The following KALRN variants were observed in gnomAD, a reference collection of about 807,000 sequenced individuals.
The protein encoded by KALRN is kalirin RhoGEF kinase.
In KALRN, 70 loss-of-function variants were observed where a neutral mutation model predicts 353.7. That is an observed-to-expected ratio of 0.20 (90% CI 0.16 to 0.24). The LOEUF (loss-of-function observed/expected upper bound fraction) is 0.24, where lower values mean the gene tolerates loss of function less well. Among genes scored for constraint, KALRN ranks in the 10% least tolerant of loss-of-function variants. The pLI is 1.00. For missense variants in KALRN, 2,791 were observed against 3,756.7 expected, an observed-to-expected ratio of 0.74 and a Z score of 6.72; for synonymous variants, 1,391 against 1,434.8, an observed-to-expected ratio of 0.97 and a Z score of 0.69.
intron 2 of KALRN, among the ~76,000 whole-genome samples, chr3:124,234,369 G>A (rs961989440): frequency 1.3e-5 from 2 of 152,150 alleles, no homozygotes; most frequent in Non-Finnish European, 1.5e-5. Flanking sequence ...CACCATAGTA[G>A]TCAGCTCATC....
intron 10 of KALRN, among the ~76,000 whole-genome samples, chr3:124,375,448 C>T (rs2149834148): frequency 6.6e-6 from 1 of 152,278 alleles, no homozygotes; most frequent in Non-Finnish European, 1.5e-5. Flanking sequence ...TCCCCTAGGC[C>T]CAGCTTACAG....
At chr3:124,605,480 G>A (rs1054505956) in intron 34 of KALRN, among the ~76,000 whole-genome samples, 2 of 151,754 alleles carry the variant, frequency 1.3e-5, no homozygotes, top group Non-Finnish European at 2.9e-5. Flanking sequence ...GGCTGAGGCA[G>A]GAGAATTGCT....
At chr3:124,047,236 T>A (rs573674291) in intron 1 of KALRN, among the ~76,000 whole-genome samples, 2 of 152,310 alleles carry the variant, frequency 1.3e-5, no homozygotes, top group East Asian at 3.9e-4. Context: ...GTCTGCCATG[T>A]GCCTAGTATT....
intron 1 of KALRN, among the ~76,000 whole-genome samples, chr3:124,188,504 C>A (rs916599839): frequency 6.6e-6 from 1 of 152,316 alleles, no homozygotes; most frequent in Non-Finnish European, 1.5e-5. Context: ...GTCTAGCACC[C>A]AGATTACTCA....
chr3:124,107,502 T>C (rs939283735), intron 1 of KALRN, among the ~76,000 whole-genome samples: 24 of 152,304 alleles, frequency 1.6e-4, no homozygotes, highest in African/African-American at 4.3e-4. Flanking sequence ...ATAGAGACTT[T>C]TCCCCACCAA....
intron 1 of KALRN, among the ~76,000 whole-genome samples, chr3:124,194,858 GA>G (rs1423358238): frequency 2.0e-5 from 3 of 152,122 alleles, no homozygotes; most frequent in Admixed American, 6.5e-5. Flanking sequence ...TGTTCCATGA[GA>G]AAAGGGTTGC....
At position 124,438,985 on chromosome 3, in the gene KALRN, A is replaced by C. The variant is rs772315044; in HGVS notation, c.3146A>C (p.His1049Pro). The change falls in exon 18 of 60, where the codon CAT (histidine) becomes CCT (proline). Residue 1049 changes from histidine (H) to proline (P), a missense_variant. His to Pro is a moderately conservative substitution (Grantham distance 77). Coordinates refer to ENST00000682506, the MANE Select transcript of KALRN (RefSeq NM_001388419.1). ...CTGGGGCCAGCAGCAGAGATCGACC[A>C]TGTCATTCCCCTCATCAGCAAACAT... is the stretch of plus-strand genomic sequence containing the variant. The part of the protein sequence containing the change: ...DKLGPAAEID[H>P]VIPLISKHLE... 4.3e-6 allele frequency: 7 copies of C among 1,614,040 alleles called. 1 individual carries two copies. The South Asian group carries it at 5.5e-5, about 13-fold the overall frequency.
chr3:124,375,040 C>T (rs546242136), intron 10 of KALRN, among the ~76,000 whole-genome samples: 89 of 152,162 alleles, frequency 5.8e-4, no homozygotes, highest in African/African-American at 2.0e-3. Flanking sequence ...ATATTTTTGT[C>T]CACATTTTTA....
intron 1 of KALRN, among the ~76,000 whole-genome samples, chr3:124,053,593 C>T (rs912785169): frequency 6.6e-6 from 1 of 152,154 alleles, no homozygotes; most frequent in African/African-American, 2.4e-5. Flanking sequence ...ATTCTTCAAA[C>T]TCTACATATT....
chr3:124,584,437 C>A (rs1561341044), intron 34 of KALRN, among the ~76,000 whole-genome samples: 1 of 152,158 alleles, frequency 6.6e-6, no homozygotes, highest in Non-Finnish European at 1.5e-5. Context: ...TTGTGGTGGC[C>A]TTTGAAGGGA....
chr3:124,622,054 CAAAGA>C (rs1213144114), intron 34 of KALRN, among the ~76,000 whole-genome samples: 1 of 151,984 alleles, frequency 6.6e-6, no homozygotes, highest in African/African-American at 2.4e-5. Flanking sequence ...TTCTGGAAAG[CAAAGA>C]AAATAGGAAT....
chr3:124,120,738 A>ATTT (rs1261371748), intron 1 of KALRN, among the ~76,000 whole-genome samples: 1 of 144,444 alleles, frequency 6.9e-6, no homozygotes, highest in African/African-American at 2.6e-5. Flanking sequence ...ATATATATAT[A>ATTT]TATATATTTT....
intron 1 of KALRN, among the ~76,000 whole-genome samples, chr3:124,141,080 A>T (rs1331036397): frequency 6.6e-6 from 1 of 152,126 alleles, no homozygotes; most frequent in Non-Finnish European, 1.5e-5. Flanking sequence ...TCAGCCCCCC[A>T]GTCACCAGGA....
intron 1 of KALRN, among the ~76,000 whole-genome samples, chr3:124,048,369 G>A (rs1199160775): frequency 6.6e-6 from 1 of 152,002 alleles, no homozygotes; most frequent in African/African-American, 2.4e-5. Context: ...TATACAAATG[G>A]ATAGCTTTTT....
intron 57 of KALRN, among the ~76,000 whole-genome samples, chr3:124,707,655 G>GAATA (rs1370575471): frequency 6.6e-6 from 1 of 152,198 alleles, no homozygotes; most frequent in Non-Finnish European, 1.5e-5. Flanking sequence ...GGAGAGAACA[G>GAATA]AATAATTCAT....
intron 34 of KALRN, among the ~76,000 whole-genome samples, chr3:124,602,809 A>G (rs1418679795): frequency 6.6e-6 from 1 of 152,202 alleles, no homozygotes; most frequent in Non-Finnish European, 1.5e-5. Flanking sequence ...GAGTCAGCCT[A>G]TATGTTTCAC....
intron 33 of KALRN, among the ~76,000 whole-genome samples, chr3:124,532,630 AC>A (rs1268495733): frequency 6.6e-6 from 1 of 152,086 alleles, no homozygotes. Context: ...ATGTGGTGAA[AC>A]CCTGTCTCTA....
In KALRN at chr3:124,434,415, C is replaced by T. The variant is rs1255029861; in HGVS notation, c.2938C>T (p.Arg980Trp). Residue 980 changes from arginine to tryptophan, a missense_variant, in exon 17 of 60, where the codon CGG becomes TGG. This residue lies in a region of KALRN where 452 missense variants were observed against 575.8 expected (regional missense o/e 0.78). Coordinates refer to ENST00000682506, the MANE Select transcript of KALRN (RefSeq NM_001388419.1). ...QAGHYDADAI[R>W]ECAEKVALHW... ...CGGCCACTACGATGCCGATGCCATC[C>T]GGGAATGTGCTGAGAAGGTGGCCCT... 5.0e-6 allele frequency: 8 copies of T among 1,614,090 alleles called. No homozygotes were observed. Among genetic ancestry groups the T allele is most frequent in the African/African-American group, 2.7e-5 (2 of 74,930 alleles).
intron 1 of KALRN, among the ~76,000 whole-genome samples, chr3:124,153,729 C>A (rs2149932391): frequency 6.6e-6 from 1 of 151,808 alleles, no homozygotes; most frequent in Admixed American, 6.5e-5. Flanking sequence ...TTTACAGTCC[C>A]ACCAACAGTG....
Sources: gnomAD v4.1 joint callset for allele counts (sites outside exome capture counted in the v4.1 genomes callset) on GRCh38, gnomAD v4.1.1 for gene constraint, gnomAD v4.1.1 regional missense constraint, MANE v1.5 for transcripts, NCBI Gene and HGNC (gene_info 2026-07-23, HGNC 2026-07-21) for gene names.